Variants in TES observed in about 807,000 individuals in gnomAD.
TES encodes testin LIM domain protein.
In TES, 41 loss-of-function variants were observed where a neutral mutation model predicts 48.2. The observed-to-expected ratio is 0.85, with a 90% CI of 0.66 to 1.10. TES has a LOEUF of 1.10. Among genes scored for constraint, TES ranks in the 50% least tolerant of loss-of-function variants. The pLI, the probability that TES is intolerant of heterozygous loss-of-function variation, is 0.00. For missense variants in TES, 463 were observed against 515.1 expected, an observed-to-expected ratio of 0.90 and a Z score of 0.98; for synonymous variants, 162 against 174.9, an observed-to-expected ratio of 0.93 and a Z score of 0.58.
At chr7:116,243,163 A>G (rs1799871608) in intron 2 of TES, among the ~76,000 whole-genome samples, 1 of 152,098 alleles carries the variant, frequency 6.6e-6, no homozygotes, top group African/African-American at 2.4e-5. Context: ...TGAGTGTTTT[A>G]AACTATAAAT....
intron 1 of TES, among the ~76,000 whole-genome samples, chr7:116,214,212 C>G (rs1362542429): frequency 6.6e-6 from 1 of 152,052 alleles, no homozygotes; most frequent in East Asian, 1.9e-4. Context: ...CTAAAAATCC[C>G]CTTTCTCTGT....
intron 1 of TES, among the ~76,000 whole-genome samples, chr7:116,224,541 C>G (rs1282952349): frequency 6.6e-6 from 1 of 151,928 alleles, no homozygotes; most frequent in African/African-American, 2.4e-5. Flanking sequence ...CTTGCTCATT[C>G]TTTTAATTTT....
chr7:116,218,095 G>A (rs1799514923), intron 1 of TES: 1 of 372,208 alleles, frequency 2.7e-6, no homozygotes, highest in African/African-American at 2.1e-5. Flanking sequence ...TTAGAAGCCA[G>A]CCTAGTGGGG....
At chr7:116,223,410 T>A (rs1799581151) in intron 1 of TES, among the ~76,000 whole-genome samples, 1 of 152,224 alleles carries the variant, frequency 6.6e-6, no homozygotes, top group African/African-American at 2.4e-5. Flanking sequence ...AAAGTTTATG[T>A]AAATCTTTTC....
intron 2 of TES, among the ~76,000 whole-genome samples, chr7:116,236,980 T>C (rs766525904): frequency 2.6e-5 from 4 of 152,204 alleles, no homozygotes; most frequent in Non-Finnish European, 5.9e-5. Flanking sequence ...CCAGTCACAT[T>C]TCTCTCAGAA....
intron 2 of TES, among the ~76,000 whole-genome samples, chr7:116,238,601 AT>A (rs1799803964): frequency 6.7e-6 from 1 of 149,844 alleles, no homozygotes; most frequent in Non-Finnish European, 1.5e-5. Context: ...TATTATTATT[AT>A]TATTATTATT....
intron 2 of TES, among the ~76,000 whole-genome samples, chr7:116,244,902 G>C (rs1022689586): frequency 5.9e-5 from 9 of 152,222 alleles, no homozygotes; most frequent in Non-Finnish European, 1.3e-4. Flanking sequence ...CTTGGGGCTT[G>C]CACCCTCTGA....
At chr7:116,248,999 T>C (rs757660710) in intron 2 of TES, 21 bp from the exon 3 acceptor site, 15 of 1,551,568 alleles carry the variant, frequency 9.7e-6, no homozygotes, top group Non-Finnish European at 1.3e-5. Context: ...AATCATTTTC[T>C]ACTTATTTTC....
At chr7:116,221,186 AATT>A (rs1353945158) in intron 1 of TES, among the ~76,000 whole-genome samples, 12 of 152,252 alleles carry the variant, frequency 7.9e-5, no homozygotes, top group African/African-American at 2.6e-4. Flanking sequence ...CTAATTTAAA[AATT>A]ATTCTGATTT....
Position 116,231,498 on chromosome 7 carries a change from C to T in TES, c.28-3036C>T, listed in dbSNP as rs190868278. ...TGGTTTTATACATATTACAGACATC[C>T]GTCAATACATGAAAGATGTACATTG... On this transcript the variant is annotated intron_variant, in intron 1 of 6. Coordinates refer to ENST00000358204, the MANE Select transcript of TES (RefSeq NM_015641.4). 4.2e-3 allele frequency among the ~76,000 whole-genome samples: 632 copies of T among 152,220 alleles called. 21 individuals carry two copies. Among genetic ancestry groups the T allele is most frequent in the Admixed American group, 0.037 (563 of 15,276 alleles).
At position 116,229,030 on chromosome 7, in the gene TES, ATAT is replaced by A. The variant is rs1320285430; in HGVS notation, c.28-5503_28-5501del. On this transcript the variant is annotated intron_variant, in intron 1 of 6. Transcript: ENST00000358204. ...TATATATATATATATATATATATAT[ATAT>A]AATCATTTCCTTAATATTTGGTAAT... is the stretch of plus-strand genomic sequence containing the variant. Among the ~76,000 whole-genome samples, 166 of 112,800 alleles carry A rather than the reference ATAT, an allele frequency of 1.5e-3. 10 individuals are homozygous for A. In the East Asian group the frequency reaches 0.02, roughly 14 times the overall value. 74.0% of individuals were successfully genotyped at this position (112,800 alleles called of 152,430 possible).
chr7:116,220,809 T>C (rs1799546954), intron 1 of TES, among the ~76,000 whole-genome samples: 1 of 152,134 alleles, frequency 6.6e-6, no homozygotes. Flanking sequence ...AACCTTAGTA[T>C]CCTCATCTGA....
In TES at chr7:116,238,959, T is replaced by C. The variant is rs1038681565; in HGVS notation, c.113+4340T>C. On this transcript the variant is annotated intron_variant, in intron 2 of 6. Transcript: ENST00000358204. ...ATAGGGGAGCTGGCTTAGCTGTCTA[T>C]GCTTAGCACCTCAAAAAGCTGAAAT... The C allele has an allele frequency of 3.9e-5, 6 of 152,256 alleles. No homozygotes were observed. In the East Asian group the frequency reaches 7.7e-4, roughly 20 times the overall value. 9.4% of individuals were successfully genotyped at this position (152,256 alleles called of 1,614,324 possible).
rs1799987839 is a variant in TES, at chr7:116,250,401, C to T, written c.607C>T (p.Pro203Ser). 6.2e-7 allele frequency: 1 copy of T among 1,613,548 alleles called. No homozygotes were observed. The highest frequency in any genetic ancestry group is 1.1e-5 in the South Asian group (1 of 90,982). ...TCCCTGTGAGATGGATGCCCAAGGC[C>T]CCAAACAAATGAACATTCCTGGAGG... Reference protein sequence around the residue: ...KLPCEMDAQGPKQMNIPGGDR... With the variant: ...KLPCEMDAQGSKQMNIPGGDR... Residue 203 changes from proline to serine, a missense_variant, in exon 4 of 7, where the codon CCC becomes TCC. Pro to Ser is a moderately conservative substitution (Grantham distance 74, BLOSUM62 -1). Transcript: ENST00000358204.
intron 2 of TES, among the ~76,000 whole-genome samples, chr7:116,241,924 T>C (rs1225182196): frequency 1.3e-5 from 2 of 152,196 alleles, no homozygotes; most frequent in African/African-American, 4.8e-5. Flanking sequence ...ACAGTAAATA[T>C]AACTTTTTTA....
chr7:116,218,115 A>C, intron 1 of TES: 4 of 347,650 alleles, frequency 1.2e-5, no homozygotes, highest in South Asian at 9.0e-5. Context: ...GATTGCTGAG[A>C]TCTCATCTGC....
chr7:116,251,553 G>A, intron 4 of TES: 3 of 520,512 alleles, frequency 5.8e-6, no homozygotes, highest in South Asian at 4.2e-5. Flanking sequence ...CGTGGTGGCA[G>A]GCGCCTGTAG....
chr7:116,222,167 C>G (rs957210987), intron 1 of TES, among the ~76,000 whole-genome samples: 2 of 152,090 alleles, frequency 1.3e-5, no homozygotes, highest in Non-Finnish European at 2.9e-5. Context: ...GTTCTTACAT[C>G]TCTCCCTTCC....
intron 1 of TES, among the ~76,000 whole-genome samples, chr7:116,233,802 T>C (rs1341391842): frequency 6.6e-6 from 1 of 152,200 alleles, no homozygotes; most frequent in Non-Finnish European, 1.5e-5. Context: ...GTGTCTAGTG[T>C]GGGCTTGCTT....
Sources: allele counts gnomAD v4.1 joint callset (sites outside exome capture counted in the v4.1 genomes callset), GRCh38; gene constraint gnomAD v4.1.1; transcripts MANE v1.5; gene names NCBI Gene and HGNC (gene_info 2026-07-23, HGNC 2026-07-21).